Variants in CTNNA3 observed in about 807,000 individuals in gnomAD.
CTNNA3 encodes the protein catenin alpha-3.
CTNNA3 carries 76 observed loss-of-function variants against 95.7 expected under a neutral mutation model. The ratio of observed to expected loss-of-function variants is 0.79; its 90% CI spans 0.66 to 0.96. CTNNA3 has a LOEUF of 0.96. Among genes scored for constraint, CTNNA3 ranks in the 40% least tolerant of loss-of-function variants. The probability of loss-of-function intolerance (pLI) is 0.00; values close to 1 mark genes in which losing one functional copy is unlikely to be tolerated. For synonymous variants in CTNNA3, 431 were observed against 374.4 expected (o/e 1.15, Z -1.74); for missense variants, 1,191 against 1,089.8 (o/e 1.09, Z -1.31).
intron 7 of CTNNA3, among the ~76,000 whole-genome samples, chr10:66,802,556 T>C (rs1454650912): frequency 1.3e-5 from 2 of 151,770 alleles, no homozygotes; most frequent in East Asian, 3.9e-4. Context: ...TGTTAGATGG[T>C]ACCACGTCTT....
intron 7 of CTNNA3, among the ~76,000 whole-genome samples, chr10:66,953,659 C>T (rs1194144515): frequency 1.3e-5 from 2 of 152,050 alleles, no homozygotes; most frequent in African/African-American, 2.4e-5. Flanking sequence ...AGAATTTCAT[C>T]TATTTTCTAC....
intron 16 of CTNNA3, among the ~76,000 whole-genome samples, chr10:65,982,438 G>A (rs1286264428): frequency 1.3e-5 from 2 of 151,468 alleles, no homozygotes; most frequent in African/African-American, 2.4e-5. Context: ...ATGGAAAATA[G>A]TGTGGAGATT....
rs191557511 is a variant in CTNNA3 at position 67,573,272 on chromosome 10, A to C, written c.292+33585T>G. Among the ~76,000 whole-genome samples, 1,325 of 152,066 alleles carry C rather than the reference A, an allele frequency of 8.7e-3. 23 individuals are homozygous for C. The highest frequency in any genetic ancestry group is 0.029 in the African/African-American group (1,222 of 41,480). ...CCCAGTGTCCCTACGACCAACCCCCAAAAAAAATTTCCTCAAAACCAGAGA... is the reference window on the plus strand; with the variant it reads ...CCCAGTGTCCCTACGACCAACCCCCCAAAAAAATTTCCTCAAAACCAGAGA... On this transcript the variant is annotated intron_variant, in intron 3 of 17. Coordinates refer to ENST00000433211, the MANE Select transcript of CTNNA3 (RefSeq NM_013266.4).
intron 9 of CTNNA3, among the ~76,000 whole-genome samples, chr10:66,703,524 A>T (rs186152497): frequency 6.6e-6 from 1 of 152,282 alleles, no homozygotes; most frequent in Admixed American, 6.5e-5. Context: ...CATCCAATCC[A>T]GCTTCCTTGC....
At chr10:66,616,044 C>T (rs1012833899) in intron 10 of CTNNA3, among the ~76,000 whole-genome samples, 4 of 152,038 alleles carry the variant, frequency 2.6e-5, no homozygotes, top group Non-Finnish European at 5.9e-5. Context: ...CTATAGATCG[C>T]TTTATCCTTC....
At chr10:66,633,409 A>C (rs183566107) in intron 9 of CTNNA3, among the ~76,000 whole-genome samples, 5 of 152,146 alleles carry the variant, frequency 3.3e-5, no homozygotes, top group Non-Finnish European at 7.4e-5. Context: ...GACCAGGTGC[A>C]GTGGCTCACG....
chr10:65,982,196 G>T (rs756305169), intron 16 of CTNNA3, among the ~76,000 whole-genome samples: 3 of 144,790 alleles, frequency 2.1e-5, no homozygotes, highest in Non-Finnish European at 3.1e-5. Context: ...ATGAATAGAC[G>T]ATTCTCAAAA....
chr10:67,384,564 T>C (rs1225780032), intron 5 of CTNNA3, among the ~76,000 whole-genome samples: 1 of 152,172 alleles, frequency 6.6e-6, no homozygotes, highest in Non-Finnish European at 1.5e-5. Context: ...AAATAACAGA[T>C]TCTTGTTTGT....
rs1840120081 is a variant in CTNNA3, at chr10:67,659,562, G to A, written c.-5-12044C>T. On this transcript the variant is annotated intron_variant, in intron 1 of 17. Coordinates refer to ENST00000433211, the MANE Select transcript of CTNNA3 (RefSeq NM_013266.4). Reference sequence around the variant, plus strand: ...AAGGTTACCTACATATTTTTTAAAAGCCATAGAACTAAATTAGTCAAATTG... The same window carrying A: ...AAGGTTACCTACATATTTTTTAAAAACCATAGAACTAAATTAGTCAAATTG... Among the ~76,000 whole-genome samples, 5 of 151,958 alleles carry A rather than the reference G, an allele frequency of 3.3e-5. No individual in the cohort carries two copies. In the South Asian group the frequency reaches 1.0e-3, roughly 32 times the overall value.
At chr10:66,488,742 A>T (rs1839820780) in intron 11 of CTNNA3, among the ~76,000 whole-genome samples, 1 of 152,168 alleles carries the variant, frequency 6.6e-6, no homozygotes, top group African/African-American at 2.4e-5. Flanking sequence ...TAACTGGCAC[A>T]TGGGAAGAGG....
intron 7 of CTNNA3, among the ~76,000 whole-genome samples, chr10:67,022,371 G>A (rs1026661483): frequency 3.3e-5 from 5 of 151,956 alleles, no homozygotes; most frequent in South Asian, 2.1e-4. Context: ...GTTCTATGAA[G>A]GAACAAGTTA....
chr10:66,256,653 A>G (rs1024294868), intron 13 of CTNNA3, among the ~76,000 whole-genome samples: 1 of 151,944 alleles, frequency 6.6e-6, no homozygotes, highest in African/African-American at 2.4e-5. Context: ...CCCGGGAGGC[A>G]GAGGTTGTAG....
chr10:66,427,229 T>G (rs1469819139), intron 11 of CTNNA3, among the ~76,000 whole-genome samples: 1 of 152,076 alleles, frequency 6.6e-6, no homozygotes, highest in African/African-American at 2.4e-5. Flanking sequence ...AAACTCCACA[T>G]TGGAGCCCAG....
rs564744840 is a variant in CTNNA3, at chr10:66,967,826, C to T, written c.1048-192302G>A. On this transcript the variant is annotated intron_variant, in intron 7 of 17. Transcript: ENST00000433211. ...AATCCTGTTAAGAAAGAATATATCC[C>T]CTCGAAAGGTTCAATTCTACAACAA... is the stretch of plus-strand genomic sequence containing the variant. Among the ~76,000 whole-genome samples the T allele has an allele frequency of 3.2e-4, 48 of 151,934 alleles. No homozygotes were observed. In the East Asian group the frequency reaches 6.8e-3, roughly 21 times the overall value.
intron 11 of CTNNA3, among the ~76,000 whole-genome samples, chr10:66,512,413 AG>A (rs1394049975): frequency 2.0e-4 from 30 of 151,880 alleles, no homozygotes; most frequent in Admixed American, 1.9e-3. Flanking sequence ...TCATTTTGTT[AG>A]TTGTTTTGTA....
At chr10:66,818,392 C>T (rs1842170948) in intron 7 of CTNNA3, among the ~76,000 whole-genome samples, 1 of 152,082 alleles carries the variant, frequency 6.6e-6, no homozygotes, top group Admixed American at 6.5e-5. Context: ...GGAATACAGA[C>T]AAACTATTTA....
intron 10 of CTNNA3, among the ~76,000 whole-genome samples, chr10:66,551,839 T>C (rs1241645135): frequency 6.6e-6 from 1 of 151,774 alleles, no homozygotes; most frequent in Admixed American, 6.6e-5. Context: ...GCATAGCTCA[T>C]GGTGATCCTG....
At chr10:67,462,248 A>G (rs776041414) in intron 5 of CTNNA3, among the ~76,000 whole-genome samples, 88 of 152,202 alleles carry the variant, frequency 5.8e-4, no homozygotes, top group Non-Finnish European at 6.2e-4. Flanking sequence ...ACTCATTGAC[A>G]GATGCCTTCT....
At chr10:66,623,213 G>T (rs113401502) in intron 9 of CTNNA3, among the ~76,000 whole-genome samples, 1,674 of 151,956 alleles carry the variant, frequency 0.011, 25 homozygotes, top group Middle Eastern at 0.058. Context: ...CACTGCATTT[G>T]CAAAAAATAC....
Sources: allele counts gnomAD v4.1 joint callset (sites outside exome capture counted in the v4.1 genomes callset), GRCh38; gene constraint gnomAD v4.1.1; transcripts MANE v1.5; gene names NCBI Gene and HGNC (gene_info 2026-07-23, HGNC 2026-07-21).